AJAP1: variants seen among roughly 807,000 people sequenced by gnomAD.
AJAP1 encodes adherens junctions associated protein 1.
A neutral mutation model predicts 35.0 loss-of-function variants in AJAP1; 5 were observed. The ratio of observed to expected loss-of-function variants is 0.14; its 90% CI spans 0.07 to 0.30. The LOEUF (loss-of-function observed/expected upper bound fraction) is 0.30, where lower values mean the gene tolerates loss of function less well. AJAP1 is among the 10% of genes least tolerant of loss of function. The probability of loss-of-function intolerance (pLI) is 1.00; values close to 1 mark genes in which losing one functional copy is unlikely to be tolerated. For missense variants in AJAP1, 586 were observed against 571.0 expected, an observed-to-expected ratio of 1.03 and a Z score of -0.27; for synonymous variants, 284 against 249.3, an observed-to-expected ratio of 1.14 and a Z score of -1.31.
At chr1:4,663,623 G>T (rs1639051349) in intron 1 of AJAP1, among the ~76,000 whole-genome samples, 1 of 152,144 alleles carries the variant, frequency 6.6e-6, no homozygotes, top group Non-Finnish European at 1.5e-5. Flanking sequence ...CTCTTGTGCT[G>T]GCCCCATGAG....
chr1:4,672,700 A>G (rs1335084004), intron 1 of AJAP1, among the ~76,000 whole-genome samples: 1 of 152,162 alleles, frequency 6.6e-6, no homozygotes. Context: ...AGAAGGTGGG[A>G]TCCCAGGCAG....
At chr1:4,669,398 C>T (rs1159907216) in intron 1 of AJAP1, among the ~76,000 whole-genome samples, 1 of 152,138 alleles carries the variant, frequency 6.6e-6, no homozygotes, top group African/African-American at 2.4e-5. Context: ...GCTGGGGAGG[C>T]CTCAGCAAAC....
chr1:4,764,596 C>T (rs920086010), intron 2 of AJAP1, among the ~76,000 whole-genome samples: 1 of 152,222 alleles, frequency 6.6e-6, no homozygotes, highest in Non-Finnish European at 1.5e-5. Context: ...GTCCCAATGT[C>T]ACCTGTCACC....
chr1:4,777,846 A>T (rs1301681352), intron 5 of AJAP1: 1 of 152,168 alleles, frequency 6.6e-6, no homozygotes, highest in African/African-American at 2.4e-5. Context: ...TAGAATATCA[A>T]ACTTTTGTTA....
rs1642152931 is a variant in AJAP1, at chr1:4,785,866, A to G, written c.*3381A>G. 6.6e-6 allele frequency: 1 copy of G among 152,136 alleles called. No homozygotes were observed. The highest frequency in any genetic ancestry group is 2.1e-4 in the South Asian group (1 of 4,814). 9.4% of individuals were successfully genotyped at this position (152,136 alleles called of 1,614,324 possible). ...CATCTTATTCCTCGGAGATCCCGCA[A>G]TTGCAAACCCCCTGGCAGCCTCCTG... is the stretch of plus-strand genomic sequence containing the variant. On this transcript the variant is annotated 3_prime_UTR_variant, in exon 6 of 6. Transcript: ENST00000378191.
intron 3 of AJAP1, among the ~76,000 whole-genome samples, chr1:4,771,440 A>G (rs1408691644): frequency 6.6e-6 from 1 of 152,180 alleles, no homozygotes; most frequent in Admixed American, 6.5e-5. Context: ...CTGAGCGTGA[A>G]GGGGAAGGGG....
At chr1:4,760,663 G>A (rs573841450) in intron 2 of AJAP1, among the ~76,000 whole-genome samples, 83 of 152,348 alleles carry the variant, frequency 5.4e-4, no homozygotes, top group Non-Finnish European at 1.1e-3. Context: ...AGAAGGAGCA[G>A]ATGGACAGGG....
intron 1 of AJAP1, among the ~76,000 whole-genome samples, chr1:4,706,749 C>T (rs1640109402): frequency 6.6e-6 from 1 of 152,146 alleles, no homozygotes; most frequent in Non-Finnish European, 1.5e-5. Flanking sequence ...CCTTAATTGA[C>T]AGTGATTTTC....
Position 4,692,373 on chromosome 1 carries a change from G to A in AJAP1, c.30-19527G>A, listed in dbSNP as rs761655285. Among the ~76,000 whole-genome samples the A allele has an allele frequency of 6.6e-6, 1 of 152,144 alleles. No individual in the cohort carries two copies. Among genetic ancestry groups the A allele is most frequent in the Non-Finnish European group, 1.5e-5 (1 of 68,016 alleles). ...TCCCTTCTGGCCTCTCAGCCTGCAG[G>A]AGAGGCTGGGGGGCACGTCTGAGGG... On this transcript the variant is annotated intron_variant, in intron 1 of 5. Transcript: ENST00000378191. The surrounding 1 kb of genome is among the most constrained non-coding windows in gnomAD (Gnocchi z 4.4).
Position 4,736,087 on chromosome 1 carries a change from G to T in AJAP1, c.829+23388G>T, listed in dbSNP as rs950096792. On this transcript the variant is annotated intron_variant, in intron 2 of 5. Transcript: ENST00000378191. ...GTAAGAAAAATGCCAACCTCCCAGG[G>T]TTGTCAGGAGAAAAAGTTAATGTTT... Among the ~76,000 whole-genome samples, 3 of 152,352 alleles carry T rather than the reference G, an allele frequency of 2.0e-5. No individual in the cohort carries two copies. In the East Asian group the frequency reaches 5.8e-4, roughly 29 times the overall value.
chr1:4,672,246 C>G (rs1288492638), intron 1 of AJAP1, among the ~76,000 whole-genome samples: 3 of 152,208 alleles, frequency 2.0e-5, no homozygotes, highest in South Asian at 4.2e-4. Context: ...TATTGGACCC[C>G]AAATCACTGC....
intron 2 of AJAP1, among the ~76,000 whole-genome samples, chr1:4,754,691 G>C (rs3766969): frequency 1.3e-5 from 2 of 152,276 alleles, no homozygotes; most frequent in East Asian, 3.9e-4. Context: ...TTTCGGTGAC[G>C]GGGCCTCAGT....
intron 1 of AJAP1, among the ~76,000 whole-genome samples, chr1:4,703,631 C>G (rs960174430): frequency 1.3e-5 from 2 of 152,202 alleles, no homozygotes; most frequent in Non-Finnish European, 1.5e-5. Flanking sequence ...GAACTCACAT[C>G]TTATCAGCGA....
intron 1 of AJAP1, among the ~76,000 whole-genome samples, chr1:4,660,022 C>T (rs1638967095): frequency 6.6e-6 from 1 of 152,246 alleles, no homozygotes; most frequent in Non-Finnish European, 1.5e-5. Context: ...CGAGCTGCTA[C>T]TCTCAGCACG....
intron 2 of AJAP1, among the ~76,000 whole-genome samples, chr1:4,745,057 A>G (rs1207327424): frequency 6.6e-6 from 1 of 152,104 alleles, no homozygotes; most frequent in African/African-American, 2.4e-5. Flanking sequence ...GCGTCCTTGG[A>G]AGGATTGAGT....
rs1640137341 is a variant in AJAP1, at chr1:4,707,969, T to TTG, written c.30-3930_30-3929insGT. On this transcript the variant is annotated intron_variant, in intron 1 of 5. Coordinates refer to ENST00000378191, the MANE Select transcript of AJAP1 (RefSeq NM_018836.4). ...GGTGTGATGTGGGCGGTACGTTTTTTTTTTGTTTTTTTTTTTTGAGACGCA... is the reference window on the plus strand; with the variant it reads ...GGTGTGATGTGGGCGGTACGTTTTTTTGTTTTGTTTTTTTTTTTTGAGACGCA... Among the ~76,000 whole-genome samples, 7 of 116,632 alleles carry TTG rather than the reference T, an allele frequency of 6.0e-5. No homozygotes were observed. In the South Asian group the frequency reaches 2.5e-3, roughly 42 times the overall value. 76.5% of individuals were successfully genotyped at this position (116,632 alleles called of 152,430 possible).
Position 4,712,319 on chromosome 1 carries a change from C to G in AJAP1, c.449C>G (p.Ala150Gly). 5 of 1,488,280 alleles carry G rather than the reference C, an allele frequency of 3.4e-6. No homozygotes were observed. The highest frequency in any genetic ancestry group is 4.5e-6 in the Non-Finnish European group (5 of 1,118,868). The allele number at this position is 1,488,280 out of a possible 1,614,324, so 92.2% of individuals were successfully genotyped here. A position where few individuals can be genotyped will look rare whatever the true frequency, so the allele number is the denominator to read the frequency against. ...GCCGGTGGGGCCCCGGAGCAGCAGG[C>G]CCTCCTGAGGAGGGGCAAGAGGCAC... Reference protein sequence around the residue: ...AVAGGAPEQQALLRRGKRHLQ... With the variant: ...AVAGGAPEQQGLLRRGKRHLQ... Residue 150 changes from alanine (A) to glycine (G), a missense_variant, in exon 2 of 6, where the codon GCC becomes GGC. Transcript: ENST00000378191.
intron 1 of AJAP1, among the ~76,000 whole-genome samples, chr1:4,687,053 G>A (rs1442798899): frequency 6.6e-6 from 1 of 152,174 alleles, no homozygotes; most frequent in Non-Finnish European, 1.5e-5. Flanking sequence ...TCCTCACCAC[G>A]GATGGGGACA....
intron 1 of AJAP1, among the ~76,000 whole-genome samples, chr1:4,697,527 T>C (rs761478673): frequency 5.9e-5 from 9 of 152,250 alleles, no homozygotes; most frequent in Non-Finnish European, 1.3e-4. Flanking sequence ...CCCAGTCCTC[T>C]TCTACTTCTG....
Sources: allele counts gnomAD v4.1 joint callset (sites outside exome capture counted in the v4.1 genomes callset), GRCh38; gene constraint gnomAD v4.1.1; non-coding constraint Gnocchi (gnomAD v3.1); transcripts MANE v1.5; gene names NCBI Gene and HGNC (gene_info 2026-07-23, HGNC 2026-07-21).